Variants in RBPMS observed in about 807,000 individuals in gnomAD.
RBPMS encodes the protein RNA binding protein, mRNA processing factor, also known as RNA-binding protein with multiple splicing.
RBPMS carries 7 observed loss-of-function variants against 26.8 expected under a neutral mutation model. The ratio of observed to expected loss-of-function variants is 0.26; its 90% confidence interval spans 0.15 to 0.49. The LOEUF is 0.49. RBPMS is among the 20% of genes least tolerant of loss of function. The pLI is 0.98. For synonymous variants in RBPMS, 96 were observed against 93.3 expected (o/e 1.03, Z -0.17); for missense variants, 186 against 250.0 (o/e 0.74, Z 1.73).
intron 2 of RBPMS, among the ~76,000 whole-genome samples, chr8:30,475,711 A>C (rs1430755324): frequency 1.3e-5 from 2 of 152,224 alleles, no homozygotes; most frequent in East Asian, 3.8e-4. Flanking sequence ...TGGATATGAC[A>C]ACTAAAAACT....
At chr8:30,559,367 G>A (rs1827255434) in intron 7 of RBPMS, among the ~76,000 whole-genome samples, 3 of 152,206 alleles carry the variant, frequency 2.0e-5, no homozygotes, top group Non-Finnish European at 2.9e-5. Flanking sequence ...ATTAGAATGA[G>A]TTTCCCTGCA....
intron 6 of RBPMS, chr8:30,556,515 CTG>C (rs1409467569): frequency 2.0e-6 from 2 of 986,176 alleles, no homozygotes; most frequent in Non-Finnish European, 1.2e-6. Context: ...CCTCCCCCTC[CTG>C]TGTCTCCTGT....
intron 1 of RBPMS, among the ~76,000 whole-genome samples, chr8:30,409,409 C>A (rs934939980): frequency 1.3e-5 from 2 of 151,972 alleles, no homozygotes; most frequent in Non-Finnish European, 2.9e-5. Flanking sequence ...GTCAGGTGGG[C>A]CTCGAACTCC....
chr8:30,452,774 A>G (rs1382527402), intron 1 of RBPMS, among the ~76,000 whole-genome samples: 1 of 152,208 alleles, frequency 6.6e-6, no homozygotes, highest in East Asian at 1.9e-4. Context: ...TTATCAGAGA[A>G]TGTGGGAGAC....
intron 1 of RBPMS, among the ~76,000 whole-genome samples, chr8:30,455,028 G>A (rs1815038849): frequency 6.6e-6 from 1 of 152,174 alleles, no homozygotes; most frequent in African/African-American, 2.4e-5. Context: ...TCGCCATGTT[G>A]GCCAGGCTGG....
At chr8:30,428,485 G>A (rs903781209) in intron 1 of RBPMS, among the ~76,000 whole-genome samples, 5 of 152,076 alleles carry the variant, frequency 3.3e-5, no homozygotes, top group African/African-American at 1.2e-4. Flanking sequence ...GTTAACCATT[G>A]TGATATTTAA....
At chr8:30,409,489 G>A (rs1381876562) in intron 1 of RBPMS, among the ~76,000 whole-genome samples, 4 of 151,110 alleles carry the variant, frequency 2.6e-5, no homozygotes, top group Non-Finnish European at 5.9e-5. Flanking sequence ...CACCACGCCC[G>A]GCCTAGAGTG....
At chr8:30,431,049 A>G (rs1489248230) in intron 1 of RBPMS, among the ~76,000 whole-genome samples, 1 of 152,230 alleles carries the variant, frequency 6.6e-6, no homozygotes, top group Admixed American at 6.5e-5. Context: ...ATTAGTCTCA[A>G]TCACTTGCAT....
At chr8:30,426,245 A>G (rs183557737) in intron 1 of RBPMS, among the ~76,000 whole-genome samples, 1 of 152,204 alleles carries the variant, frequency 6.6e-6, no homozygotes, top group Non-Finnish European at 1.5e-5. Flanking sequence ...CGTGGTGATT[A>G]TTTTTTTCCT....
chr8:30,547,439 A>G (rs936749855), intron 6 of RBPMS: 12 of 1,580,368 alleles, frequency 7.6e-6, no homozygotes, highest in Non-Finnish European at 1.0e-5. Flanking sequence ...TTTGTTAGCT[A>G]TTTTCCCCCC....
At chr8:30,462,296 T>C (rs752915292) in intron 1 of RBPMS, among the ~76,000 whole-genome samples, 3 of 152,216 alleles carry the variant, frequency 2.0e-5, no homozygotes, top group Non-Finnish European at 2.9e-5. Flanking sequence ...TTTTGTATCA[T>C]ATGAGATACA....
intron 1 of RBPMS, among the ~76,000 whole-genome samples, chr8:30,468,282 A>G (rs570220871): frequency 6.6e-6 from 1 of 152,116 alleles, no homozygotes; most frequent in Admixed American, 6.6e-5. Flanking sequence ...CCTGGTAACC[A>G]TATATTGATC....
chr8:30,480,764 A>T (rs998450932), intron 4 of RBPMS, among the ~76,000 whole-genome samples: 1 of 152,242 alleles, frequency 6.6e-6, no homozygotes, highest in African/African-American at 2.4e-5. Flanking sequence ...TAAAAACCAG[A>T]ATTTTCTCAG....
intron 5 of RBPMS, among the ~76,000 whole-genome samples, chr8:30,510,639 G>T (rs1563391557): frequency 6.6e-6 from 1 of 152,110 alleles, no homozygotes. Context: ...CAGGAGTTCA[G>T]TGGCACAATC....
intron 1 of RBPMS, among the ~76,000 whole-genome samples, chr8:30,435,581 C>A (rs1018017023): frequency 6.6e-6 from 1 of 152,070 alleles, no homozygotes; most frequent in Admixed American, 6.5e-5. Flanking sequence ...ATCAGTAATC[C>A]TTGTGGGTCA....
At chr8:30,530,848 C>T (rs1824142734) in intron 5 of RBPMS, among the ~76,000 whole-genome samples, 1 of 152,164 alleles carries the variant, frequency 6.6e-6, no homozygotes, top group Non-Finnish European at 1.5e-5. Flanking sequence ...TCCTCCTCCT[C>T]CTCCTCTTTT....
intron 4 of RBPMS, among the ~76,000 whole-genome samples, chr8:30,481,997 G>A (rs1400650929): frequency 6.6e-6 from 1 of 152,152 alleles, no homozygotes; most frequent in Non-Finnish European, 1.5e-5. Flanking sequence ...TGCTTGCTTT[G>A]TACATGGGAT....
intron 5 of RBPMS, among the ~76,000 whole-genome samples, chr8:30,505,733 A>G (rs1821009873): frequency 6.6e-6 from 1 of 152,112 alleles, no homozygotes; most frequent in African/African-American, 2.4e-5. Context: ...TACTTTGTAT[A>G]TTGTATATAT....
In RBPMS at chr8:30,529,882, T is replaced by C. The variant is rs112265237; in HGVS notation, c.398-14612T>C. 9.7e-3 allele frequency among the ~76,000 whole-genome samples: 1,470 copies of C among 151,888 alleles called. 13 individuals are homozygous for C. Among genetic ancestry groups the C allele is most frequent in the African/African-American group, 0.03 (1,226 of 41,400 alleles). On this transcript the variant is annotated intron_variant, in intron 5 of 8. Transcript: ENST00000397323. ...GATTCTGCTGCCTCAGTCTCCCGAATAGCTGGGATTGCAGGCATGTGTCAC... is the reference window on the plus strand; with the variant it reads ...GATTCTGCTGCCTCAGTCTCCCGAACAGCTGGGATTGCAGGCATGTGTCAC...
Sources: gnomAD v4.1 joint callset for allele counts (sites outside exome capture counted in the v4.1 genomes callset) on GRCh38, gnomAD v4.1.1 for gene constraint, MANE v1.5 for transcripts, NCBI Gene and HGNC (gene_info 2026-07-23, HGNC 2026-07-21) for gene names.